ERC2: variants seen among roughly 807,000 people sequenced by gnomAD.
ERC2 encodes ELKS/RAB6-interacting/CAST family member 2.
ERC2 carries 42 observed loss-of-function variants against 114.8 expected under a neutral mutation model. That is an observed-to-expected ratio of 0.37 (90% CI 0.29 to 0.47). The LOEUF (loss-of-function observed/expected upper bound fraction) is 0.47. Ranked by LOEUF, ERC2 falls within the 20% of genes least tolerant of loss-of-function variation. The pLI, the probability that ERC2 is intolerant of heterozygous loss-of-function variation, is 0.99. For synonymous variants in ERC2, 454 were observed against 425.5 expected (o/e 1.07, Z -0.82); for missense variants, 939 against 1,150.7 (o/e 0.82, Z 2.66).
chr3:56,387,844 C>T (rs1426229956), intron 2 of ERC2, among the ~76,000 whole-genome samples: 2 of 152,058 alleles, frequency 1.3e-5, no homozygotes, highest in Non-Finnish European at 2.9e-5. Context: ...CCCCCTTTAC[C>T]ATCTCTAACT....
At chr3:55,715,534 A>G (rs2064068902) in intron 15 of ERC2, among the ~76,000 whole-genome samples, 1 of 152,184 alleles carries the variant, frequency 6.6e-6, no homozygotes. Flanking sequence ...AAAGGAGTGG[A>G]TTAAAAAGCA....
intron 7 of ERC2, among the ~76,000 whole-genome samples, chr3:56,062,623 G>A (rs561200709): frequency 2.6e-5 from 4 of 152,152 alleles, no homozygotes; most frequent in Admixed American, 1.3e-4. Flanking sequence ...AAATGCTATC[G>A]TTTCAGCACA....
intron 2 of ERC2, among the ~76,000 whole-genome samples, chr3:56,375,152 C>T (rs1355316131): frequency 6.6e-6 from 1 of 152,180 alleles, no homozygotes. Flanking sequence ...CCCCAAAATC[C>T]TTCCCTCTAG....
chr3:56,175,292 T>A (rs935213624), intron 3 of ERC2, among the ~76,000 whole-genome samples: 1 of 152,182 alleles, frequency 6.6e-6, no homozygotes, highest in Non-Finnish European at 1.5e-5. Context: ...AACCTCCAAT[T>A]TGAGAACTAT....
rs113965679 is a variant in ERC2, at chr3:55,710,323, A to G, written c.2713-10811T>C. Among the ~76,000 whole-genome samples, 364 of 152,286 alleles carry G rather than the reference A, an allele frequency of 2.4e-3. 2 individuals carry two copies. The highest frequency in any genetic ancestry group is 8.6e-3 in the African/African-American group (357 of 41,542). ...AGTACATGAACATGAAAACTCATCA[A>G]TAACCCCTACCTCTTCTCCTGCGAT... is the stretch of plus-strand genomic sequence containing the variant. On this transcript the variant is annotated intron_variant, in intron 15 of 17. Coordinates refer to ENST00000288221, the MANE Select transcript of ERC2 (RefSeq NM_015576.3).
At chr3:55,980,798 C>T (rs1246520488) in intron 12 of ERC2, among the ~76,000 whole-genome samples, 2 of 151,878 alleles carry the variant, frequency 1.3e-5, no homozygotes, top group Non-Finnish European at 2.9e-5. Flanking sequence ...CTTGGTATCT[C>T]TTATTCTGGG....
chr3:56,258,275 GTC>G (rs35466494), intron 3 of ERC2, among the ~76,000 whole-genome samples: 103,159 of 151,976 alleles, frequency 0.68, 36,240 homozygotes, highest in Non-Finnish European at 0.76. Context: ...AGGCCATACA[GTC>G]TCTGTCACAG....
intron 14 of ERC2, among the ~76,000 whole-genome samples, chr3:55,773,472 A>G (rs1310345479): frequency 6.6e-6 from 1 of 152,224 alleles, no homozygotes; most frequent in Admixed American, 6.5e-5. Context: ...AAAATATCAT[A>G]TGCTAGGTTA....
chr3:55,772,328 T>G lies in ERC2; in HGVS notation c.2565-37410A>C, dbSNP rs145767052. Reference sequence around the variant, plus strand: ...TGGCTACTTTTTGTATTCTTTTTTTTTTTTGAGACGGAGTCTCGCTCTGTA... The same window carrying G: ...TGGCTACTTTTTGTATTCTTTTTTTGTTTTGAGACGGAGTCTCGCTCTGTA... On this transcript the variant is annotated intron_variant, in intron 14 of 17. Transcript: ENST00000288221. Among the ~76,000 whole-genome samples the G allele has an allele frequency of 9.1e-3, 1,376 of 151,908 alleles. 19 individuals are homozygous for G. Among genetic ancestry groups the G allele is most frequent in the African/African-American group, 0.031 (1,291 of 41,448 alleles).
At chr3:55,780,714 GC>G (rs2068972847) in intron 14 of ERC2, among the ~76,000 whole-genome samples, 1 of 152,074 alleles carries the variant, frequency 6.6e-6, no homozygotes, top group African/African-American at 2.4e-5. Flanking sequence ...TGTGGCACAC[GC>G]CAATATTATA....
At chr3:56,216,112 A>G (rs2049451729) in intron 3 of ERC2, among the ~76,000 whole-genome samples, 1 of 152,220 alleles carries the variant, frequency 6.6e-6, no homozygotes, top group Admixed American at 6.5e-5. Context: ...TCACATTCAA[A>G]AGCTAGCACA....
chr3:56,219,790 A>G (rs531417212), intron 3 of ERC2, among the ~76,000 whole-genome samples: 5 of 152,126 alleles, frequency 3.3e-5, no homozygotes, highest in East Asian at 1.9e-4. Flanking sequence ...ACTTCCAGAG[A>G]TATTATTACT....
intron 2 of ERC2, among the ~76,000 whole-genome samples, chr3:56,372,324 A>G (rs1371038511): frequency 6.6e-6 from 1 of 152,210 alleles, no homozygotes; most frequent in African/African-American, 2.4e-5. Context: ...TCCAGGCACA[A>G]TTTCTAAATA....
chr3:55,815,157 A>G (rs2059862208), intron 14 of ERC2, among the ~76,000 whole-genome samples: 2 of 152,208 alleles, frequency 1.3e-5, no homozygotes, highest in Non-Finnish European at 1.5e-5. Flanking sequence ...AATTACTTCA[A>G]TAACTTCAAT....
chr3:56,307,624 T>C (rs2150384380), intron 2 of ERC2, among the ~76,000 whole-genome samples: 1 of 152,292 alleles, frequency 6.6e-6, no homozygotes, highest in South Asian at 2.1e-4. Context: ...ATTAACCTGG[T>C]GTACTTCTTT....
intron 13 of ERC2, among the ~76,000 whole-genome samples, chr3:55,946,259 G>T (rs1461930126): frequency 6.6e-6 from 1 of 152,076 alleles, no homozygotes; most frequent in African/African-American, 2.4e-5. Context: ...TCTGGGAAAA[G>T]CTCTACAGAA....
chr3:55,657,281 G>A (rs776897661), intron 17 of ERC2: 5 of 151,786 alleles, frequency 3.3e-5, no homozygotes, highest in African/African-American at 4.8e-5. Context: ...GGCTCTGTAA[G>A]GCAACTTGGC....
At position 56,460,434 on chromosome 3, in the gene ERC2, A is replaced by T. The variant is rs1016336998; in HGVS notation, c.-141+7814T>A. ...CTTACAGAACATCTAGGCACTAGGG[A>T]TACAGCCAAAGGCAAAGCTCCTGCC... On this transcript the variant is annotated intron_variant, in intron 1 of 17. Coordinates refer to ENST00000288221, the MANE Select transcript of ERC2 (RefSeq NM_015576.3). 2.6e-5 allele frequency among the ~76,000 whole-genome samples: 4 copies of T among 152,180 alleles called. No individual in the cohort carries two copies. The South Asian group carries it at 6.2e-4, about 24-fold the overall frequency.
chr3:55,553,831 G>A (rs1475744557), intron 17 of ERC2, among the ~76,000 whole-genome samples: 2 of 151,872 alleles, frequency 1.3e-5, no homozygotes, highest in Admixed American at 6.6e-5. Flanking sequence ...GCCAAGCATC[G>A]GCATCATTCA....
Sources: gnomAD v4.1 joint callset for allele counts (sites outside exome capture counted in the v4.1 genomes callset) on GRCh38, gnomAD v4.1.1 for gene constraint, MANE v1.5 for transcripts, NCBI Gene and HGNC (gene_info 2026-07-23, HGNC 2026-07-21) for gene names.